Variants in TSHZ3 observed in about 807,000 individuals in gnomAD.
The protein encoded by TSHZ3 is teashirt zinc finger homeobox 3.
TSHZ3 carries 10 observed loss-of-function variants against 64.5 expected under a neutral mutation model. The observed-to-expected ratio is 0.16, with a 90% CI of 0.10 to 0.26. TSHZ3 has a LOEUF of 0.26. TSHZ3 is among the 10% of genes least tolerant of loss of function. TSHZ3 has a pLI of 1.00. For synonymous variants in TSHZ3, 608 were observed against 593.1 expected (o/e 1.03, Z -0.36); for missense variants, 1,242 against 1,421.7 (o/e 0.87, Z 2.03).
chr19:31,198,692 A>AATACATAGATAT (rs1975028902), intron 5 of TSHZ3, among the ~76,000 whole-genome samples: 1 of 152,200 alleles, frequency 6.6e-6, no homozygotes, highest in South Asian at 2.1e-4. Flanking sequence ...ATACCCCCCA[A>AATACATAGATAT]AATGAAATAC....
intron 6 of TSHZ3, among the ~76,000 whole-genome samples, chr19:31,152,484 G>C (rs1974254800): frequency 6.6e-6 from 1 of 152,132 alleles, no homozygotes; most frequent in Admixed American, 6.6e-5. Context: ...AATACTGTAA[G>C]TGGAAGACAT....
intron 1 of TSHZ3, among the ~76,000 whole-genome samples, chr19:31,329,830 G>A (rs575648164): frequency 2.0e-5 from 3 of 152,194 alleles, no homozygotes; most frequent in East Asian, 1.9e-4. Context: ...TTACAAGGCC[G>A]CATAATTCTA....
In TSHZ3 at chr19:31,341,638, C is replaced by CTG. The variant is rs1568387209; in HGVS notation, c.40+7541_40+7542insCA. ...TCTCTCTCTCTCTCTCTGACACACA[C>CTG]ACACACACACACACACACACACACA... is the stretch of plus-strand genomic sequence containing the variant. On this transcript the variant is annotated intron_variant, in intron 1 of 1. Coordinates refer to ENST00000240587, the MANE Select transcript of TSHZ3 (RefSeq NM_020856.4). Among the ~76,000 whole-genome samples the CTG allele has an allele frequency of 5.5e-3, 633 of 115,438 alleles. 4 individuals carry two copies. Among genetic ancestry groups the CTG allele is most frequent in the African/African-American group, 0.025 (525 of 20,812 alleles). The allele number at this position is 115,438 out of a possible 152,430, so 75.7% of individuals were successfully genotyped here. A position where few individuals can be genotyped will look rare whatever the true frequency, so the allele number is the denominator to read the frequency against.
At chr19:31,154,534 C>T (rs772197630) in intron 6 of TSHZ3, among the ~76,000 whole-genome samples, 1 of 152,140 alleles carries the variant, frequency 6.6e-6, no homozygotes, top group Non-Finnish European at 1.5e-5. Context: ...AAAAATAAGC[C>T]ATGCAGACAC....
intron 1 of TSHZ3, among the ~76,000 whole-genome samples, chr19:31,243,453 T>C (rs1975722523): frequency 6.6e-6 from 1 of 152,220 alleles, no homozygotes; most frequent in African/African-American, 2.4e-5. Flanking sequence ...CACCCCTGTG[T>C]AGTCAGGGTC....
chr19:31,163,198 T>G (rs988128125), intron 5 of TSHZ3, among the ~76,000 whole-genome samples: 4 of 152,082 alleles, frequency 2.6e-5, no homozygotes, highest in Non-Finnish European at 1.5e-5. Context: ...GTCTGAAATA[T>G]GGGTGCACAT....
At chr19:31,289,144 TGCTCCACACA>T (rs1037104695) in intron 1 of TSHZ3, among the ~76,000 whole-genome samples, 2 of 152,208 alleles carry the variant, frequency 1.3e-5, no homozygotes, top group African/African-American at 4.8e-5. Context: ...ACAGGGGCTG[TGCTCCACACA>T]GCTCCACACA....
At chr19:31,158,374 C>G (rs908551053) in intron 5 of TSHZ3, among the ~76,000 whole-genome samples, 1 of 152,186 alleles carries the variant, frequency 6.6e-6, no homozygotes, top group South Asian at 2.1e-4. Context: ...GCAGCTGTAA[C>G]AAATTACTTC....
At chr19:31,348,868 G>T in intron 1 of TSHZ3, 1 of 327,474 alleles carries the variant, frequency 3.1e-6, no homozygotes, top group Non-Finnish European at 5.6e-6. Context: ...CACAGAAAGA[G>T]CCAGGCCGGG....
In TSHZ3 at chr19:31,278,109, A is replaced by G; in HGVS notation, c.1684T>C (p.Leu562=). 1 of 1,614,030 alleles carries G rather than the reference A, an allele frequency of 6.2e-7. No individual in the cohort carries two copies. Among genetic ancestry groups the G allele is most frequent in the Non-Finnish European group, 8.5e-7 (1 of 1,179,974 alleles). The change falls in exon 2 of 2, where the codon TTG becomes CTG. Residue 562 remains leucine, a synonymous_variant. Transcript: ENST00000240587. This position sits in a 1 kb window ranked among gnomAD's most constrained non-coding sequence, Gnocchi z 4.7. The part of the protein sequence containing the change: ...AAYQLPNMMK[L]SLGSSGKSTP... Reference sequence around the variant, plus strand: ...CTCTTCCCCGACGAGCCCAGGGACAACTTCATCATGTTGGGAAGTTGGTAG... The same window carrying G: ...CTCTTCCCCGACGAGCCCAGGGACAGCTTCATCATGTTGGGAAGTTGGTAG...
At chr19:31,227,822 A>C (rs1975489407) in intron 4 of TSHZ3, among the ~76,000 whole-genome samples, 1 of 152,170 alleles carries the variant, frequency 6.6e-6, no homozygotes, top group African/African-American at 2.4e-5. Flanking sequence ...TCCACCTTTC[A>C]AATCTCAGCA....
At chr19:31,255,765 C>T (rs1368156546) in intron 1 of TSHZ3, among the ~76,000 whole-genome samples, 1 of 152,192 alleles carries the variant, frequency 6.6e-6, no homozygotes, top group African/African-American at 2.4e-5. Flanking sequence ...AATGGGGAAT[C>T]CCTTGTCCTT....
chr19:31,181,338 G>T (rs774940728), intron 5 of TSHZ3, among the ~76,000 whole-genome samples: 49 of 152,104 alleles, frequency 3.2e-4, no homozygotes, highest in Non-Finnish European at 4.9e-4. Flanking sequence ...AAAGGGGCAG[G>T]GTAGGTTCTG....
chr19:31,224,160 C>T (rs4804957), intron 4 of TSHZ3, among the ~76,000 whole-genome samples: 105,389 of 152,068 alleles, frequency 0.69, 37,154 homozygotes, highest in African/African-American at 0.84. Context: ...CCATTGTGTT[C>T]TGGCACCATG....
At chr19:31,313,880 C>T (rs938583186) in intron 1 of TSHZ3, among the ~76,000 whole-genome samples, 10 of 152,126 alleles carry the variant, frequency 6.6e-5, no homozygotes, top group Non-Finnish European at 1.5e-4. Flanking sequence ...ATCCTGGCAC[C>T]GACACTCACT....
chr19:31,235,115 T>C (rs946074317), intron 3 of TSHZ3, among the ~76,000 whole-genome samples: 4 of 152,202 alleles, frequency 2.6e-5, no homozygotes, highest in Admixed American at 1.3e-4. Context: ...TTTTGAGCTA[T>C]GTATATATCA....
rs1483433806 is a variant in TSHZ3, at chr19:31,168,694, C to G, written n.810-12277G>C. Reference sequence around the variant, plus strand: ...GCTGCAAGAGCCTAGATTTTGACACCACTTAACAAAGAAAAGCCAATGTCT... The same window carrying G: ...GCTGCAAGAGCCTAGATTTTGACACGACTTAACAAAGAAAAGCCAATGTCT... On this transcript the variant is annotated intron_variant and non_coding_transcript_variant, in intron 5 of 6. Transcript: ENST00000651361. 2.0e-5 allele frequency among the ~76,000 whole-genome samples: 3 copies of G among 152,182 alleles called. No homozygotes were observed. The East Asian group carries it at 5.8e-4, about 29-fold the overall frequency.
In TSHZ3 at chr19:31,276,847, C is replaced by T. The variant is rs775329332; in HGVS notation, c.2946G>A (p.Ala982=). ...ACGTGGAAGGAGTCCTGATTTGGGA[C>T]GCACAATCGTTACAAAAGAAGACGG... ...GHPVFFCNDC[A]SQIRTPSTYI... is the part of the protein sequence containing the mutation. The change falls in exon 2 of 2, where the codon GCG becomes GCA. Residue 982 remains alanine (A), a synonymous_variant. Coordinates refer to ENST00000240587, the MANE Select transcript of TSHZ3 (RefSeq NM_020856.4). 139 of 1,614,182 alleles carry T rather than the reference C, an allele frequency of 8.6e-5. No homozygotes were observed. The East Asian group carries it at 1.9e-3, about 23-fold the overall frequency.
At chr19:31,181,027 A>G (rs1357096214) in intron 5 of TSHZ3, among the ~76,000 whole-genome samples, 1 of 152,170 alleles carries the variant, frequency 6.6e-6, no homozygotes, top group Non-Finnish European at 1.5e-5. Context: ...GTTGAATCTC[A>G]GGTTGTTCAT....
Sources: allele counts gnomAD v4.1 joint callset (sites outside exome capture counted in the v4.1 genomes callset), GRCh38; gene constraint gnomAD v4.1.1; non-coding constraint Gnocchi (gnomAD v3.1); transcripts MANE v1.5; gene names NCBI Gene and HGNC (gene_info 2026-07-23, HGNC 2026-07-21).